SYCE1: variants seen among roughly 807,000 people sequenced by gnomAD.
SYCE1 encodes synaptonemal complex central element protein 1.
A neutral mutation model predicts 55.1 loss-of-function variants in SYCE1; 37 were observed. That is an observed-to-expected ratio of 0.67 (90% confidence interval 0.52 to 0.88). SYCE1 has a LOEUF of 0.88. Among genes scored for constraint, SYCE1 ranks in the 40% least tolerant of loss-of-function variants. The pLI, the probability that SYCE1 is intolerant of heterozygous loss-of-function variation, is 0.00. For synonymous variants in SYCE1, 163 were observed against 159.4 expected (o/e 1.02, Z -0.17); for missense variants, 399 against 416.4 (o/e 0.96, Z 0.36).
chr10:133,564,721 C>G (rs940520263), intron 1 of SYCE1, among the ~76,000 whole-genome samples: 6 of 152,218 alleles, frequency 3.9e-5, no homozygotes, highest in Non-Finnish European at 7.3e-5. Context: ...GATCTCAGGA[C>G]AGAATGACAA....
intron 1 of SYCE1, among the ~76,000 whole-genome samples, chr10:133,564,599 C>T (rs1044770406): frequency 6.6e-6 from 1 of 152,124 alleles, no homozygotes; most frequent in Non-Finnish European, 1.5e-5. Flanking sequence ...GTATTCAAAC[C>T]TTCATTTTGT....
downstream of SYCE1, chr10:133,554,528 T>C (rs1486738795): frequency 1.5e-6 from 1 of 655,086 alleles, no homozygotes; most frequent in Admixed American, 2.3e-5. Flanking sequence ...TGTCCAAAAG[T>C]GCCTGAGTTA....
intron 4 of SYCE1, chr10:133,558,607 C>T: frequency 3.7e-6 from 2 of 540,120 alleles, no homozygotes; most frequent in Non-Finnish European, 6.6e-6. Context: ...GACATTCTAA[C>T]TTAGAGCTGA....
chr10:133,557,876 C>G lies in SYCE1; in HGVS notation c.362G>C (p.Ser121Thr), dbSNP rs1851726220. ...TGGAAGCTCTTACCTGTGTGCCTCA[C>G]TTTCCTTTTCCTGGCAATGCAGCCG... ...ILRLHCQEKE[S>T]EAHRKHTMLQ... The change falls in exon 6 of 13, where the codon AGT becomes ACT. Residue 121 changes from serine to threonine, a missense_variant. Ser to Thr is a moderately conservative substitution (Grantham distance 58). Transcript: ENST00000343131. 2 of 1,614,152 alleles carry G rather than the reference C, an allele frequency of 1.2e-6. No homozygotes were observed. The highest frequency in any genetic ancestry group is 4.5e-5 in the East Asian group (2 of 44,876).
At chr10:133,556,102 A>G in intron 8 of SYCE1, 55 bp from the exon 9 acceptor site, 11 of 1,594,132 alleles carry the variant, frequency 6.9e-6, no homozygotes, top group Non-Finnish European at 9.4e-6. Context: ...CCATGCCTCA[A>G]AGAAGGCTAT....
At chr10:133,554,212 GGACT>G (rs1851592328), downstream of SYCE1, 7 of 1,374,652 alleles carry the variant, frequency 5.1e-6, no homozygotes, top group South Asian at 8.1e-5. Flanking sequence ...CGTCTGTCCT[GGACT>G]GACTGAAGAA....
rs535376444 is a variant in SYCE1 at position 133,565,399 on chromosome 10, C to A, written c.73+58G>T. The A allele has an allele frequency of 6.9e-6, 10 of 1,449,626 alleles. No homozygotes were observed. The Admixed American group carries it at 2.2e-4, about 33-fold the overall frequency. 89.8% of individuals were successfully genotyped at this position (1,449,626 alleles called of 1,614,324 possible). ...AGCAGCCGCCACCCGCGCCCCAACC[C>A]TGCCCCGCCTCGGCGAGGTCAGACC... On this transcript the variant is annotated intron_variant, in intron 1 of 12. Transcript: ENST00000343131.
At chr10:133,556,384 C>T in intron 8 of SYCE1, 1 of 533,772 alleles carries the variant, frequency 1.9e-6, no homozygotes, top group South Asian at 2.3e-5. Context: ...CCCCTCTGTC[C>T]TGGTGTGACC....
Position 133,555,429 on chromosome 10 carries a change from T to A in SYCE1, c.840A>T (p.Glu280Asp). Residue 280 changes from glutamate to aspartate, a missense_variant, in exon 12 of 13, where the codon GAA (glutamate) becomes GAT (aspartate). Glu to Asp is a conservative substitution (Grantham distance 45). Coordinates refer to ENST00000343131, the MANE Select transcript of SYCE1 (RefSeq NM_001143764.3). Reference protein sequence around the residue: ...QQQQKRQRLKEELEKHGMQVP... With the variant: ...QQQQKRQRLKDELEKHGMQVP... ...CTTGCATTCCATGCTTTTCCAGCTC[T>A]TCCTTCAGCCTGGACAGGAAGAGGT... is the stretch of plus-strand genomic sequence containing the variant. The A allele has an allele frequency of 6.2e-7, 1 of 1,614,084 alleles. No individual in the cohort carries two copies. The highest frequency in any genetic ancestry group is 1.1e-5 in the South Asian group (1 of 91,082).
intron 1 of SYCE1, among the ~76,000 whole-genome samples, chr10:133,563,737 T>C (rs1199806528): frequency 6.6e-6 from 1 of 151,390 alleles, no homozygotes; most frequent in Non-Finnish European, 1.5e-5. Context: ...TGCTTATTTT[T>C]GAGTTTATGG....
In SYCE1 at chr10:133,556,037, C is replaced by T. The variant is rs769135037; in HGVS notation, c.539G>A (p.Arg180Gln). The change falls in exon 9 of 13, where the codon CGG (arginine) becomes CAG (glutamine). Residue 180 changes from arginine (R) to glutamine (Q), a missense_variant. Transcript: ENST00000343131. Reference sequence around the variant, plus strand: ...CAGGGCACAAATCTCCTTTGCCAGCCGCTCTGGCATCTGAGGGGCAGAAAA... The same window carrying T: ...CAGGGCACAAATCTCCTTTGCCAGCTGCTCTGGCATCTGAGGGGCAGAAAA... ...KDLWDFHMPE[R>Q]LAKEICALDS... 1.4e-5 allele frequency: 22 copies of T among 1,613,766 alleles called. 1 individual carries two copies. Among genetic ancestry groups the T allele is most frequent in the East Asian group, 6.7e-5 (3 of 44,888 alleles).
chr10:133,567,940 G>C (rs763318689), upstream of SYCE1: 2 of 555,180 alleles, frequency 3.6e-6, no homozygotes, highest in Admixed American at 2.2e-5. Flanking sequence ...TGGGCAGGAC[G>C]GTGGATGGCG....
chr10:133,563,358 T>C (rs1851858099), intron 1 of SYCE1, among the ~76,000 whole-genome samples: 1 of 152,116 alleles, frequency 6.6e-6, no homozygotes, highest in Admixed American at 6.5e-5. Context: ...ATACACAGGA[T>C]GAAATCATTT....
chr10:133,567,580 C>T (rs531296178), upstream of SYCE1, among the ~76,000 whole-genome samples: 1 of 152,168 alleles, frequency 6.6e-6, no homozygotes, highest in East Asian at 1.9e-4. Flanking sequence ...CTTACTTCCC[C>T]CCAAATTCTT....
At chr10:133,555,553 C>A in intron 11 of SYCE1, 44 bp downstream of exon 11, 1 of 1,602,016 alleles carries the variant, frequency 6.2e-7, no homozygotes, top group South Asian at 1.1e-5. Context: ...CAACATCAGT[C>A]ATCTTCCTGG....
upstream of SYCE1, chr10:133,565,679 C>T: frequency 1.4e-6 from 1 of 739,820 alleles, no homozygotes; most frequent in Non-Finnish European, 2.1e-6. Context: ...TCCGGCAGGC[C>T]TGCGTGGCAC....
At chr10:133,554,282 C>A (rs1331436443), downstream of SYCE1, 1 of 1,613,702 alleles carries the variant, frequency 6.2e-7, no homozygotes, top group Admixed American at 1.7e-5. Flanking sequence ...TGCAGTGAGC[C>A]TCTCTCTTCA....
intron 1 of SYCE1, 68 bp from the exon 2 acceptor site, chr10:133,560,221 G>A: frequency 7.1e-7 from 1 of 1,404,512 alleles, no homozygotes; most frequent in Non-Finnish European, 1.0e-6. Context: ...CTGAGACTGA[G>A]GCAGGCTGAG....
At chr10:133,562,860 A>G (rs1483625592) in intron 1 of SYCE1, among the ~76,000 whole-genome samples, 5 of 152,216 alleles carry the variant, frequency 3.3e-5, no homozygotes, top group African/African-American at 1.2e-4. Flanking sequence ...CACTATCTAA[A>G]TAAAATTGGT....
Sources: gnomAD v4.1 joint callset for allele counts (sites outside exome capture counted in the v4.1 genomes callset) on GRCh38, gnomAD v4.1.1 for gene constraint, MANE v1.5 for transcripts, NCBI Gene and HGNC (gene_info 2026-07-23, HGNC 2026-07-21) for gene names.